NPAS3: variants seen among roughly 807,000 people sequenced by gnomAD.
NPAS3 encodes the protein neuronal PAS domain protein 3.
NPAS3 carries 14 observed loss-of-function variants against 73.1 expected under a neutral mutation model. That is an observed-to-expected ratio of 0.19 (90% CI 0.13 to 0.30). NPAS3 has a LOEUF of 0.30. Ranked by LOEUF, NPAS3 falls within the 10% of genes least tolerant of loss-of-function variation. The pLI, the probability that NPAS3 is intolerant of heterozygous loss-of-function variation, is 1.00. For synonymous variants in NPAS3, 620 were observed against 541.5 expected, an observed-to-expected ratio of 1.14 and a Z score of -2.01; for missense variants, 1,096 against 1,250.0, an observed-to-expected ratio of 0.88 and a Z score of 1.86.
At chr14:33,440,971 G>A (rs2049222501) in intron 4 of NPAS3, among the ~76,000 whole-genome samples, 1 of 151,514 alleles carries the variant, frequency 6.6e-6, no homozygotes, top group Admixed American at 6.6e-5. Context: ...TGTTAAGAAT[G>A]TTTTCCTAGT....
chr14:33,028,926 C>T (rs2039897979), intron 1 of NPAS3, among the ~76,000 whole-genome samples: 1 of 152,136 alleles, frequency 6.6e-6, no homozygotes, highest in Non-Finnish European at 1.5e-5. Flanking sequence ...GTCAATCCAT[C>T]ATCTAAGTGT....
chr14:33,774,219 C>G (rs2062741206), intron 7 of NPAS3, 118 bp from the exon 8 acceptor site: 1 of 718,992 alleles, frequency 1.4e-6, no homozygotes, highest in Non-Finnish European at 2.3e-6. Flanking sequence ...ATTATGATTA[C>G]AGAAGATACA....
upstream of NPAS3, among the ~76,000 whole-genome samples, chr14:32,936,659 G>A (rs1052822512): frequency 3.9e-5 from 6 of 152,162 alleles, no homozygotes; most frequent in Non-Finnish European, 5.9e-5. Flanking sequence ...AGGGACCTCC[G>A]GGAACTTGAG....
intron 3 of NPAS3, among the ~76,000 whole-genome samples, chr14:33,227,171 C>G (rs1168487519): frequency 6.6e-6 from 1 of 152,174 alleles, no homozygotes; most frequent in Non-Finnish European, 1.5e-5. Context: ...ATTTGCTTAG[C>G]TGACACCTGA....
At chr14:33,577,245 G>A (rs1015666057) in intron 5 of NPAS3, among the ~76,000 whole-genome samples, 2 of 152,130 alleles carry the variant, frequency 1.3e-5, no homozygotes. Flanking sequence ...TACTTTTGAT[G>A]CATGTGATTT....
chr14:33,206,481 T>A (rs998753436), intron 2 of NPAS3, among the ~76,000 whole-genome samples: 1 of 152,080 alleles, frequency 6.6e-6, no homozygotes, highest in Non-Finnish European at 1.5e-5. Context: ...AGGGAAAATT[T>A]AAAAACTCAT....
At chr14:33,687,622 G>C (rs967914465) in intron 6 of NPAS3, among the ~76,000 whole-genome samples, 1 of 152,192 alleles carries the variant, frequency 6.6e-6, no homozygotes, top group South Asian at 2.1e-4. Context: ...ACTTAAAAGT[G>C]AATTTAAAAT....
At chr14:33,096,167 T>C (rs1269168520) in intron 2 of NPAS3, among the ~76,000 whole-genome samples, 1 of 151,964 alleles carries the variant, frequency 6.6e-6, no homozygotes, top group Admixed American at 6.6e-5. Flanking sequence ...TATGTTTTAT[T>C]TGTAGGGAAA....
intron 5 of NPAS3, among the ~76,000 whole-genome samples, chr14:33,674,970 G>T (rs751174635): frequency 5.9e-5 from 9 of 152,136 alleles, no homozygotes. Flanking sequence ...CTTCCCTCTT[G>T]ACATGAAAGG....
intron 3 of NPAS3, among the ~76,000 whole-genome samples, chr14:33,349,841 G>A (rs1284654019): frequency 6.6e-6 from 1 of 152,214 alleles, no homozygotes; most frequent in Non-Finnish European, 1.5e-5. Context: ...TAACTGGAGG[G>A]AGTACCTTTA....
chr14:33,301,070 T>G (rs79321103), intron 3 of NPAS3, among the ~76,000 whole-genome samples: 1 of 151,626 alleles, frequency 6.6e-6, no homozygotes, highest in Non-Finnish European at 1.5e-5. Flanking sequence ...ACTCCTCATG[T>G]TTTTTCTCAG....
At chr14:33,267,602 A>G (rs2040875656) in intron 3 of NPAS3, among the ~76,000 whole-genome samples, 1 of 152,202 alleles carries the variant, frequency 6.6e-6, no homozygotes, top group African/African-American at 2.4e-5. Context: ...TTCTTCATGA[A>G]GGTAGAATAG....
chr14:33,232,906 G>C (rs116675592), intron 3 of NPAS3, among the ~76,000 whole-genome samples: 2 of 152,146 alleles, frequency 1.3e-5, no homozygotes, highest in African/African-American at 2.4e-5. Flanking sequence ...TCTAGGGCGA[G>C]TAGTGCTGGA....
chr14:33,263,620 T>C (rs2049057631), intron 3 of NPAS3, among the ~76,000 whole-genome samples: 1 of 152,154 alleles, frequency 6.6e-6, no homozygotes, highest in South Asian at 2.1e-4. Flanking sequence ...TTTGGTTCCA[T>C]ATGAACTTTA....
intron 3 of NPAS3, among the ~76,000 whole-genome samples, chr14:33,242,433 T>A (rs1030764727): frequency 5.3e-5 from 8 of 152,206 alleles, no homozygotes; most frequent in African/African-American, 1.9e-4. Context: ...ATAAAATTTC[T>A]AATGACAGTC....
chr14:33,630,066 C>T (rs1046662206), intron 5 of NPAS3, among the ~76,000 whole-genome samples: 1 of 152,132 alleles, frequency 6.6e-6, no homozygotes, highest in Admixed American at 6.5e-5. Flanking sequence ...CTATGCCTGG[C>T]CTTTCTTTAT....
At position 33,676,191 on chromosome 14, in the gene NPAS3, C is replaced by T. The variant is rs374975635; in HGVS notation, c.559-20C>T. On this transcript the variant is annotated intron_variant, in intron 5 of 11. Transcript: ENST00000356141. ...GCCTATATAATGTCTTTCCTTCCCA[C>T]CCTTTCTCTCGCCCTCTAGGTGGAG... 1.4e-5 allele frequency: 22 copies of T among 1,612,728 alleles called. No individual in the cohort carries two copies. Among genetic ancestry groups the T allele is most frequent in the Non-Finnish European group, 1.9e-5 (22 of 1,179,350 alleles).
chr14:33,639,651 C>T (rs2058620600), intron 5 of NPAS3, among the ~76,000 whole-genome samples: 1 of 152,198 alleles, frequency 6.6e-6, no homozygotes, highest in Non-Finnish European at 1.5e-5. Context: ...TGCCCTGCCA[C>T]TACATCTTCT....
chr14:33,229,260 C>T (rs1295676484), intron 3 of NPAS3, among the ~76,000 whole-genome samples: 2 of 152,226 alleles, frequency 1.3e-5, no homozygotes, highest in Non-Finnish European at 2.9e-5. Context: ...TTAGTATCTT[C>T]TCTCTGATAG....
Sources: allele counts gnomAD v4.1 joint callset (sites outside exome capture counted in the v4.1 genomes callset), GRCh38; gene constraint gnomAD v4.1.1; transcripts MANE v1.5; gene names NCBI Gene and HGNC (gene_info 2026-07-23, HGNC 2026-07-21).